Variants in CBFA2T2 observed in about 807,000 individuals in gnomAD.
The protein encoded by CBFA2T2 is CBFA2/RUNX1 partner transcriptional co-repressor 2.
A neutral mutation model predicts 62.2 loss-of-function variants in CBFA2T2; 11 were observed. That is an observed-to-expected ratio of 0.18 (90% CI 0.11 to 0.29). The LOEUF is 0.29. Among genes scored for constraint, CBFA2T2 ranks in the 10% least tolerant of loss-of-function variants. The pLI is 1.00. For missense variants in CBFA2T2, 592 were observed against 774.1 expected (o/e 0.76, Z 2.79); for synonymous variants, 295 against 287.5 (o/e 1.03, Z -0.27).
chr20:33,526,248 T>C (rs531203848), intron 1 of CBFA2T2, among the ~76,000 whole-genome samples: 6 of 152,296 alleles, frequency 3.9e-5, no homozygotes, highest in African/African-American at 1.4e-4. Context: ...CCAAAACTAC[T>C]GTATCCCTAA....
At position 33,611,173 on chromosome 20, in the gene CBFA2T2, C is replaced by G. The variant is rs201290039; in HGVS notation, c.258C>G (p.Ala86=). 6.2e-7 allele frequency: 1 copy of G among 1,614,186 alleles called. No homozygotes were observed. Among genetic ancestry groups the G allele is most frequent in the African/African-American group, 1.3e-5 (1 of 75,050 alleles). ...SPPQRFSNGP[A]SSTSSALTNQ... Reference sequence around the variant, plus strand: ...CACAGAGATTCAGCAATGGTCCTGCCTCCTCCACATCATCTGCACTCACAA... The same window carrying G: ...CACAGAGATTCAGCAATGGTCCTGCGTCCTCCACATCATCTGCACTCACAA... Residue 86 remains alanine (A), a synonymous_variant, in exon 3 of 11, where the codon GCC becomes GCG. Transcript: ENST00000342704.
At chr20:33,575,804 G>A (rs1218689897) in intron 1 of CBFA2T2, among the ~76,000 whole-genome samples, 1 of 152,076 alleles carries the variant, frequency 6.6e-6, no homozygotes, top group Non-Finnish European at 1.5e-5. Context: ...TTGAGACAGA[G>A]TCTCAGTCTG....
At chr20:33,499,039 G>A (rs1374068959) in intron 1 of CBFA2T2, among the ~76,000 whole-genome samples, 12 of 135,590 alleles carry the variant, frequency 8.9e-5, no homozygotes, top group African/African-American at 1.2e-4. Flanking sequence ...GTGAAACTCC[G>A]TCTAAAAAGA....
At chr20:33,534,473 C>A (rs569537196) in intron 1 of CBFA2T2, among the ~76,000 whole-genome samples, 2 of 151,926 alleles carry the variant, frequency 1.3e-5, no homozygotes, top group African/African-American at 4.8e-5. Context: ...CCACCACGCC[C>A]GGCTAATTTT....
chr20:33,604,733 G>A (rs776822778), intron 1 of CBFA2T2, among the ~76,000 whole-genome samples: 3 of 152,206 alleles, frequency 2.0e-5, no homozygotes, highest in Non-Finnish European at 4.4e-5. Context: ...ATAGAGCCAG[G>A]TGGTCTGAAG....
intron 1 of CBFA2T2, among the ~76,000 whole-genome samples, chr20:33,511,724 C>T (rs1434285220): frequency 6.6e-6 from 1 of 152,110 alleles, no homozygotes; most frequent in Non-Finnish European, 1.5e-5. Flanking sequence ...CTATGTAGAT[C>T]AAGAAATAAA....
intron 1 of CBFA2T2, among the ~76,000 whole-genome samples, chr20:33,559,426 A>G (rs209673): frequency 0.11 from 17,476 of 151,968 alleles, 2,759 homozygotes; most frequent in African/African-American, 0.34. Flanking sequence ...TGCCCACTTC[A>G]GCCTCCCAAG....
intron 1 of CBFA2T2, among the ~76,000 whole-genome samples, chr20:33,507,131 G>A (rs1276507558): frequency 3.3e-5 from 5 of 152,090 alleles, no homozygotes; most frequent in African/African-American, 9.7e-5. Context: ...ACTAGAAGGT[G>A]GACTATAATG....
chr20:33,545,020 C>T (rs66603105), intron 1 of CBFA2T2, among the ~76,000 whole-genome samples: 40,561 of 142,240 alleles, frequency 0.29, 6,975 homozygotes, highest in East Asian at 0.66. Context: ...TAGAACAGAA[C>T]AGAATGCAAG....
intron 5 of CBFA2T2, chr20:33,623,963 A>G: frequency 1.7e-6 from 1 of 603,328 alleles, no homozygotes. Flanking sequence ...GGAAAAAAAA[A>G]AAAAAGAAAA....
chr20:33,545,470 T>TTTCTTTCTTTCTTTCTTTCTTTCC (rs1209263074), intron 1 of CBFA2T2, among the ~76,000 whole-genome samples: 47 of 151,326 alleles, frequency 3.1e-4, no homozygotes, highest in Non-Finnish European at 5.7e-4. Flanking sequence ...TCTTTCTTTC[T>TTTCTTTCTTTCTTTCTTTCTTTCC]TTCGTTCGTT....
chr20:33,550,608 G>T (rs1381908751), intron 1 of CBFA2T2, among the ~76,000 whole-genome samples: 1 of 150,084 alleles, frequency 6.7e-6, no homozygotes, highest in African/African-American at 2.5e-5. Flanking sequence ...TACTAATGTG[G>T]TTATTTATTT....
At chr20:33,601,112 G>A (rs929394151) in intron 1 of CBFA2T2, among the ~76,000 whole-genome samples, 3 of 151,818 alleles carry the variant, frequency 2.0e-5, no homozygotes, top group African/African-American at 7.3e-5. Context: ...GAACTTCATG[G>A]CCTAAAATGA....
At chr20:33,591,883 C>T (rs1407311313) in intron 1 of CBFA2T2, among the ~76,000 whole-genome samples, 1 of 151,920 alleles carries the variant, frequency 6.6e-6, no homozygotes, top group East Asian at 1.9e-4. Flanking sequence ...TCCTGTAAGT[C>T]ATGGTCATTC....
At chr20:33,491,058 T>A (rs2011143140) in intron 1 of CBFA2T2, among the ~76,000 whole-genome samples, 1 of 152,212 alleles carries the variant, frequency 6.6e-6, no homozygotes, top group Non-Finnish European at 1.5e-5. Flanking sequence ...TATTCTTACT[T>A]CCATTTAGCC....
At chr20:33,528,130 C>T (rs1478134444) in intron 1 of CBFA2T2, among the ~76,000 whole-genome samples, 1 of 152,100 alleles carries the variant, frequency 6.6e-6, no homozygotes, top group Non-Finnish European at 1.5e-5. Context: ...TCAGCCTCCC[C>T]AGTAACTGGG....
At chr20:33,565,600 G>T (rs907899392) in intron 1 of CBFA2T2, among the ~76,000 whole-genome samples, 2 of 152,178 alleles carry the variant, frequency 1.3e-5, no homozygotes, top group Admixed American at 6.5e-5. Flanking sequence ...ATAAAGTTGG[G>T]TGATTAAAAG....
intron 1 of CBFA2T2, among the ~76,000 whole-genome samples, chr20:33,587,210 C>T (rs956802857): frequency 6.6e-6 from 1 of 152,126 alleles, no homozygotes; most frequent in Non-Finnish European, 1.5e-5. Context: ...TCCCAAAGTG[C>T]TGGGATTACA....
chr20:33,632,152 T>C (rs756113981), intron 8 of CBFA2T2, among the ~76,000 whole-genome samples: 2 of 152,160 alleles, frequency 1.3e-5, no homozygotes, highest in Non-Finnish European at 2.9e-5. Context: ...CAAGCCATTC[T>C]CTTGCCTCAT....
Sources: allele counts gnomAD v4.1 joint callset (sites outside exome capture counted in the v4.1 genomes callset), GRCh38; gene constraint gnomAD v4.1.1; transcripts MANE v1.5; gene names NCBI Gene and HGNC (gene_info 2026-07-23, HGNC 2026-07-21).